The following AVL9 variants were observed in gnomAD, a reference collection of about 807,000 sequenced individuals.
AVL9 encodes AVL9 cell migration associated.
AVL9 carries 49 observed loss-of-function variants against 79.2 expected under a neutral mutation model. That is an observed-to-expected ratio of 0.62 (90% confidence interval 0.49 to 0.79). AVL9 has a LOEUF of 0.79. Among genes scored for constraint, AVL9 ranks in the 30% least tolerant of loss-of-function variants. The pLI is 0.00. For synonymous variants in AVL9, 299 were observed against 280.6 expected (o/e 1.07, Z -0.65); for missense variants, 682 against 776.8 (o/e 0.88, Z 1.45).
chr7:32,551,341 A>G lies in AVL9; in HGVS notation c.380A>G (p.Tyr127Cys), dbSNP rs760787658. Reference sequence around the variant, plus strand: ...TCTCTTTTTTCCTTTAAGCCTCTGTATGGTTTACTTCAAGCAAAACTTCAA... The same window carrying G: ...TCTCTTTTTTCCTTTAAGCCTCTGTGTGGTTTACTTCAAGCAAAACTTCAA... ...SVCVLSKLPL[Y>C]GLLQAKLQLI... The change falls in exon 5 of 16, where the codon TAT becomes TGT. Residue 127 changes from tyrosine to cysteine, a missense_variant. Physicochemically the swap from Tyr to Cys is radical, Grantham distance 194. Transcript: ENST00000318709. 3 of 1,601,738 alleles carry G rather than the reference A, an allele frequency of 1.9e-6. No homozygotes were observed. Among genetic ancestry groups the G allele is most frequent in the Non-Finnish European group, 2.6e-6 (3 of 1,169,976 alleles).
intron 1 of AVL9, among the ~76,000 whole-genome samples, chr7:32,525,358 A>G (rs1562764962): frequency 6.6e-6 from 1 of 152,076 alleles, no homozygotes; most frequent in Non-Finnish European, 1.5e-5. Context: ...CTAGAATAGC[A>G]TATTTTTAGG....
At position 32,581,034 on chromosome 7, in the gene AVL9, A is replaced by T; in HGVS notation, c.1831+144A>T. On this transcript the variant is annotated intron_variant, in intron 15 of 15. Coordinates refer to ENST00000318709, the MANE Select transcript of AVL9 (RefSeq NM_015060.3). ...TACAAGAGTTTTTTAAATTTTTGTC[A>T]TATTCATTTGAAAAATTCCAAATTC... 1.4e-5 allele frequency: 10 copies of T among 735,958 alleles called. No homozygotes were observed. In the South Asian group the frequency reaches 1.8e-4, roughly 13 times the overall value. The allele number at this position is 735,958 out of a possible 1,614,324, so 45.6% of individuals were successfully genotyped here.
chr7:32,552,441 T>C (rs1789875183), intron 6 of AVL9, 146 bp downstream of exon 6: 1 of 568,916 alleles, frequency 1.8e-6, no homozygotes, highest in Non-Finnish European at 3.2e-6. Context: ...TCCTTAAATA[T>C]CTTCTTAGCC....
intron 10 of AVL9, among the ~76,000 whole-genome samples, chr7:32,561,212 G>A (rs563244555): frequency 5.9e-5 from 9 of 152,330 alleles, no homozygotes; most frequent in Admixed American, 1.3e-4. Flanking sequence ...GCCAGGCATT[G>A]ACTTCTTCCC....
intron 1 of AVL9, among the ~76,000 whole-genome samples, chr7:32,529,995 A>G (rs928803781): frequency 4.6e-5 from 7 of 152,186 alleles, no homozygotes; most frequent in African/African-American, 1.7e-4. Flanking sequence ...ATATACATAG[A>G]CTTTGATTGA....
At chr7:32,548,453 T>TCGTCTCTTA (rs1477863067) in intron 3 of AVL9, among the ~76,000 whole-genome samples, 3 of 152,168 alleles carry the variant, frequency 2.0e-5, no homozygotes, top group African/African-American at 7.2e-5. Context: ...TGGCCTTTTG[T>TCGTCTCTTA]CGTCTCTTAA....
In AVL9 at chr7:32,575,969, T is replaced by C; in HGVS notation, c.1585T>C (p.Leu529=). The C allele has an allele frequency of 1.2e-6, 2 of 1,610,848 alleles. No individual in the cohort carries two copies. The highest frequency in any genetic ancestry group is 2.2e-5 in the East Asian group (1 of 44,836). ...TTACTTGACAGACAATGAAAAGATA[T>C]TATCGGACTATGGGACAACTTTTGT... The part of the protein sequence containing the change: ...ATLQLDNEKI[L]SDYGTTFVTA... Residue 529 remains leucine (L), a synonymous_variant, in exon 13 of 16, where the codon TTA becomes CTA. Coordinates refer to ENST00000318709, the MANE Select transcript of AVL9 (RefSeq NM_015060.3).
chr7:32,523,558 C>T (rs1788268952), intron 1 of AVL9, among the ~76,000 whole-genome samples: 3 of 133,466 alleles, frequency 2.2e-5, no homozygotes, highest in Admixed American at 8.1e-5. Flanking sequence ...CTCCATCTCC[C>T]AGGCTGGAAT....
At chr7:32,573,903 A>G (rs1015449680) in intron 12 of AVL9, among the ~76,000 whole-genome samples, 3 of 152,234 alleles carry the variant, frequency 2.0e-5, no homozygotes, top group African/African-American at 7.2e-5. Context: ...AACCCATTCT[A>G]AGAAATATTA....
chr7:32,532,374 C>T (rs1788695865), intron 1 of AVL9: 1 of 152,216 alleles, frequency 6.6e-6, no homozygotes, highest in Admixed American at 6.5e-5. Context: ...AACAAGTTCT[C>T]ACTTTGGGCC....
chr7:32,579,563 TATATATTATA>T, intron 13 of AVL9, among the ~76,000 whole-genome samples: 1 of 1,642 alleles, frequency 6.1e-4, no homozygotes, highest in Non-Finnish European at 1.0e-3. Context: ...TATATTATAT[TATATATTATA>T]TTATATATTA....
intron 2 of AVL9, 72 bp downstream of exon 2, chr7:32,543,333 A>T (rs938345793): frequency 5.9e-5 from 91 of 1,544,476 alleles, no homozygotes; most frequent in Non-Finnish European, 6.9e-5. Flanking sequence ...TAGGTTCTAA[A>T]TACTTAGAAA....
chr7:32,570,910 C>T (rs534350973), intron 11 of AVL9, among the ~76,000 whole-genome samples: 4 of 147,104 alleles, frequency 2.7e-5, no homozygotes, highest in Admixed American at 6.8e-5. Context: ...CGTAAGCCAC[C>T]GCGCCCAGCC....
chr7:32,520,107 G>A (rs545151842), intron 1 of AVL9, among the ~76,000 whole-genome samples: 13 of 152,242 alleles, frequency 8.5e-5, no homozygotes, highest in East Asian at 3.9e-4. Context: ...GACACAGTGC[G>A]AAACCATATC....
intron 1 of AVL9, among the ~76,000 whole-genome samples, chr7:32,527,941 G>C (rs1363524266): frequency 6.6e-6 from 1 of 152,118 alleles, no homozygotes; most frequent in Non-Finnish European, 1.5e-5. Context: ...GTTGGGGTAG[G>C]ACATGCCTCA....
intron 10 of AVL9, among the ~76,000 whole-genome samples, chr7:32,569,457 A>C (rs930612151): frequency 3.3e-5 from 5 of 152,240 alleles, no homozygotes; most frequent in African/African-American, 1.2e-4. Flanking sequence ...TTCAAATGGA[A>C]ATTAATTAAA....
intron 1 of AVL9, among the ~76,000 whole-genome samples, chr7:32,504,522 G>A (rs1401794841): frequency 6.6e-6 from 1 of 152,078 alleles, no homozygotes; most frequent in East Asian, 1.9e-4. Context: ...ATGTAAGTTT[G>A]GACCTAATTG....
intron 1 of AVL9, among the ~76,000 whole-genome samples, chr7:32,531,412 A>AATTAAC (rs1788643120): frequency 2.2e-4 from 1 of 4,564 alleles, no homozygotes; most frequent in African/African-American, 1.0e-3. Flanking sequence ...TATACATGTT[A>AATTAAC]ATGAACATGT....
At chr7:32,571,229 CAAAA>C (rs35287763) in intron 11 of AVL9, among the ~76,000 whole-genome samples, 10 of 65,098 alleles carry the variant, frequency 1.5e-4, no homozygotes, top group East Asian at 5.0e-4. Context: ...GACCCTGTCT[CAAAA>C]AAAAAAAAAA....
Sources: gnomAD v4.1 joint callset for allele counts (sites outside exome capture counted in the v4.1 genomes callset) on GRCh38, gnomAD v4.1.1 for gene constraint, MANE v1.5 for transcripts, NCBI Gene and HGNC (gene_info 2026-07-23, HGNC 2026-07-21) for gene names.